Variants in RNF169 observed in about 807,000 individuals in gnomAD.
The protein encoded by RNF169 is ring finger protein 169, also known as E3 ubiquitin-protein ligase RNF169.
In RNF169, 24 loss-of-function variants were observed where a neutral mutation model predicts 53.9. The observed-to-expected ratio is 0.45, with a 90% CI of 0.32 to 0.63. The LOEUF is 0.63. Among genes scored for constraint, RNF169 ranks in the 20% least tolerant of loss-of-function variants. The pLI, the probability that RNF169 is intolerant of heterozygous loss-of-function variation, is 0.04. For missense variants in RNF169, 883 were observed against 906.2 expected, an observed-to-expected ratio of 0.97 and a Z score of 0.33; for synonymous variants, 396 against 363.5, an observed-to-expected ratio of 1.09 and a Z score of -1.02.
chr11:74,817,505 C>T (rs999666365), intron 3 of RNF169, 91 bp from the exon 4 acceptor site: 18 of 763,194 alleles, frequency 2.4e-5, no homozygotes, highest in Middle Eastern at 2.4e-4. Flanking sequence ...CACAGAGAAG[C>T]GACATAGAGA....
At chr11:74,823,576 A>G (rs2036047668) in intron 4 of RNF169, among the ~76,000 whole-genome samples, 1 of 151,994 alleles carries the variant, frequency 6.6e-6, no homozygotes, top group Non-Finnish European at 1.5e-5. Flanking sequence ...TCTCTACTAA[A>G]AATTTTAAAA....
At position 74,748,860 on chromosome 11, in the gene RNF169, T is replaced by G. The variant is rs1412939721; in HGVS notation, c.-21T>G. 3 of 1,384,002 alleles carry G rather than the reference T, an allele frequency of 2.2e-6. No homozygotes were observed. The highest frequency in any genetic ancestry group is 2.8e-6 in the Non-Finnish European group (3 of 1,057,114). 85.7% of individuals were successfully genotyped at this position (1,384,002 alleles called of 1,614,324 possible). On this transcript the variant is annotated 5_prime_UTR_variant, in exon 1 of 6. Transcript: ENST00000299563. ...CACTCTTCTCCCTCGCAACCGACTC[T>G]CCCTTCAAACGGGAAACAAGATGGC...
intron 2 of RNF169, among the ~76,000 whole-genome samples, chr11:74,809,656 C>T (rs1423369950): frequency 2.0e-5 from 3 of 152,196 alleles, no homozygotes; most frequent in African/African-American, 7.2e-5. Flanking sequence ...CCCATCTCTA[C>T]TATTATAAAA....
intron 5 of RNF169, among the ~76,000 whole-genome samples, chr11:74,835,150 A>T (rs972921298): frequency 6.6e-6 from 1 of 152,012 alleles, no homozygotes; most frequent in East Asian, 1.9e-4. Flanking sequence ...TACCTGGGGA[A>T]TTTTTAAATT....
rs1462495809 is a variant in RNF169 at position 74,776,374 on chromosome 11, CTT to C, written c.503-13250_503-13249del. ...TCTATTAAAGTTGATGATAATGAGA[CTT>C]TGACTTTAATAAATTCACCTTTGCC... On this transcript the variant is annotated intron_variant, in intron 1 of 5. Coordinates refer to ENST00000299563, the MANE Select transcript of RNF169 (RefSeq NM_001098638.2). 5.3e-5 allele frequency among the ~76,000 whole-genome samples: 8 copies of C among 152,048 alleles called. No individual in the cohort carries two copies. The East Asian group carries it at 1.5e-3, about 29-fold the overall frequency.
intron 1 of RNF169, among the ~76,000 whole-genome samples, chr11:74,785,213 ATATATATGTTATATATAT>A (rs2035478096): frequency 5.5e-5 from 7 of 126,960 alleles, no homozygotes; most frequent in African/African-American, 2.4e-4. Context: ...TATATATGAT[ATATATATGTTATATATAT>A]TATATATATG....
Position 74,749,104 on chromosome 11 carries a change from C to G in RNF169, c.224C>G (p.Pro75Arg). ...ESGCAGCLEP[P>R]GEAAALPCGH... ...GGCTGCGCCGGGTGCCTGGAGCCCC[C>G]CGGAGAAGCAGCGGCCCTGCCGTGC... The change falls in exon 1 of 6, where the codon CCC becomes CGC. Residue 75 changes from proline (P) to arginine (R), a missense_variant. Transcript: ENST00000299563. 2 of 1,420,424 alleles carry G rather than the reference C, an allele frequency of 1.4e-6. No individual in the cohort carries two copies. The highest frequency in any genetic ancestry group is 3.1e-5 in the East Asian group (1 of 32,734). 88.0% of individuals were successfully genotyped at this position (1,420,424 alleles called of 1,614,324 possible).
In RNF169 at chr11:74,749,182, C is replaced by T. The variant is rs2034842743; in HGVS notation, c.302C>T (p.Pro101Leu). Residue 101 changes from proline (P) to leucine (L), a missense_variant, in exon 1 of 6, where the codon CCG becomes CTG. By Grantham distance (98) the Pro-to-Leu change is moderately conservative. Around this residue, in one of 3 missense-constraint regions of RNF169, gnomAD observed 313 missense variants for 279.9 expected, o/e 1.12. Transcript: ENST00000299563. The part of the protein sequence containing the change: ...CAQRAADAAG[P>L]GCPRCRARGP... ...CAACGCGCCGCCGACGCGGCGGGCC[C>T]GGGTTGCCCTCGCTGCCGCGCCCGC... 1.7e-5 allele frequency: 20 copies of T among 1,198,696 alleles called. No individual in the cohort carries two copies. The highest frequency in any genetic ancestry group is 2.0e-5 in the Non-Finnish European group (19 of 968,888). The allele number at this position is 1,198,696 out of a possible 1,614,324, so 74.3% of individuals were successfully genotyped here.
chr11:74,815,045 T>C (rs1374303831), intron 3 of RNF169, among the ~76,000 whole-genome samples: 2 of 151,882 alleles, frequency 1.3e-5, no homozygotes, highest in East Asian at 1.9e-4. Flanking sequence ...TTTCTTTTCC[T>C]TTTTTTTAGG....
intron 2 of RNF169, among the ~76,000 whole-genome samples, chr11:74,797,092 T>C (rs1436154891): frequency 6.6e-6 from 1 of 152,210 alleles, no homozygotes. Flanking sequence ...TGCAGTTTTT[T>C]AGTCCTTAGC....
At chr11:74,802,024 C>G (rs2035738336) in intron 2 of RNF169, among the ~76,000 whole-genome samples, 1 of 152,080 alleles carries the variant, frequency 6.6e-6, no homozygotes, top group Non-Finnish European at 1.5e-5. Flanking sequence ...TACCTCTTGT[C>G]AGGAGAAAGA....
intron 2 of RNF169, among the ~76,000 whole-genome samples, chr11:74,798,722 A>G (rs780521648): frequency 1.3e-5 from 2 of 152,122 alleles, no homozygotes; most frequent in Non-Finnish European, 2.9e-5. Context: ...GCATCACGGA[A>G]CCTACTGACA....
intron 4 of RNF169, among the ~76,000 whole-genome samples, chr11:74,829,317 G>A (rs1348205143): frequency 6.6e-6 from 1 of 152,062 alleles, no homozygotes; most frequent in Non-Finnish European, 1.5e-5. Flanking sequence ...AGTCAGAATG[G>A]CTATTATTAA....
At chr11:74,759,585 T>C (rs2135309464) in intron 1 of RNF169, among the ~76,000 whole-genome samples, 1 of 145,536 alleles carries the variant, frequency 6.9e-6, no homozygotes, top group East Asian at 2.0e-4. Flanking sequence ...TTTTTGTCTT[T>C]GGCTCTGTTT....
In RNF169 at chr11:74,748,932, GCT is replaced by G. The variant is rs1565166195; in HGVS notation, c.55_56del (p.Leu19GlufsTer10). The G allele has an allele frequency of 1.4e-6, 2 of 1,465,308 alleles. No individual in the cohort carries two copies. Among genetic ancestry groups the G allele is most frequent in the East Asian group, 2.9e-5 (1 of 34,686 alleles). 90.8% of individuals were successfully genotyped at this position (1,465,308 alleles called of 1,614,324 possible). On this transcript the variant is annotated frameshift_variant, in exon 1 of 6. Transcript: ENST00000299563. LOFTEE classifies it high-confidence loss of function. ...TRASSAAAAA[A>X]LSRRGRRGRC... ...GGCCTCTTCCGCGGCGGCAGCAGCC[GCT>G]CTGAGTCGGCGGGGCCGGCGGGGCC...
rs554244453 is a variant in RNF169 at position 74,773,837 on chromosome 11, G to C, written c.503-15789G>C. On this transcript the variant is annotated intron_variant, in intron 1 of 5. Coordinates refer to ENST00000299563, the MANE Select transcript of RNF169 (RefSeq NM_001098638.2). Reference sequence around the variant, plus strand: ...CTTTTTTAGTATGAGGATAATAGGAGCTATTTTGCAGAGTTGTGAGGATTA... The same window carrying C: ...CTTTTTTAGTATGAGGATAATAGGACCTATTTTGCAGAGTTGTGAGGATTA... 2.0e-5 allele frequency among the ~76,000 whole-genome samples: 3 copies of C among 152,280 alleles called. No individual in the cohort carries two copies. The South Asian group carries it at 6.2e-4, about 32-fold the overall frequency.
At chr11:74,798,634 C>T (rs556186530) in intron 2 of RNF169, among the ~76,000 whole-genome samples, 1 of 152,304 alleles carries the variant, frequency 6.6e-6, no homozygotes, top group African/African-American at 2.4e-5. Context: ...TACTTGATGT[C>T]TGTCACCCAC....
intron 4 of RNF169, chr11:74,832,102 AT>A (rs1414934690): frequency 1.3e-5 from 2 of 152,198 alleles, no homozygotes; most frequent in Non-Finnish European, 2.9e-5. Context: ...TACAGCACTT[AT>A]GCTACAGAGT....
chr11:74,799,579 T>G (rs2035701042), intron 2 of RNF169, among the ~76,000 whole-genome samples: 1 of 152,190 alleles, frequency 6.6e-6, no homozygotes, highest in Non-Finnish European at 1.5e-5. Context: ...TATATTAGTA[T>G]AATTATTTTT....
Sources: gnomAD v4.1 joint callset for allele counts (sites outside exome capture counted in the v4.1 genomes callset) on GRCh38, gnomAD v4.1.1 for gene constraint, gnomAD v4.1.1 regional missense constraint, MANE v1.5 for transcripts, NCBI Gene and HGNC (gene_info 2026-07-23, HGNC 2026-07-21) for gene names.